The following RYR2 variants were observed in gnomAD, a reference collection of about 807,000 sequenced individuals.
RYR2 encodes the protein ryanodine receptor 2.
RYR2 carries 227 observed loss-of-function variants against 601.1 expected under a neutral mutation model. That is an observed-to-expected ratio of 0.38 (90% CI 0.34 to 0.42). The LOEUF (loss-of-function observed/expected upper bound fraction) is 0.42, where lower values mean the gene tolerates loss of function less well. Among genes scored for constraint, RYR2 ranks in the 10% least tolerant of loss-of-function variants. The pLI is 1.00. For missense variants in RYR2, 4,646 were observed against 6,156.5 expected (o/e 0.75, Z 8.21); for synonymous variants, 2,223 against 2,175.1 (o/e 1.02, Z -0.61).
At chr1:237,474,882 T>C (rs10754608) in intron 17 of RYR2, among the ~76,000 whole-genome samples, 75,817 of 152,016 alleles carry the variant, frequency 0.5, 20,024 homozygotes, top group East Asian at 0.7. Flanking sequence ...GTTGACTGTC[T>C]GGCTCCTTCC....
intron 71 of RYR2, among the ~76,000 whole-genome samples, chr1:237,713,955 G>A (rs976504333): frequency 1.0e-4 from 15 of 149,958 alleles, no homozygotes; most frequent in Non-Finnish European, 2.1e-4. Flanking sequence ...TTTTTTTTTG[G>A]TAGGCTATTT....
intron 48 of RYR2, among the ~76,000 whole-genome samples, chr1:237,645,054 A>G (rs1360134120): frequency 1.3e-5 from 2 of 152,136 alleles, no homozygotes; most frequent in East Asian, 3.9e-4. Flanking sequence ...AACAAAAAAC[A>G]TAATTAGGCA....
chr1:237,823,215 C>G (rs1447312109), intron 101 of RYR2, among the ~76,000 whole-genome samples: 1 of 152,184 alleles, frequency 6.6e-6, no homozygotes, highest in Admixed American at 6.5e-5. Flanking sequence ...CACCCCAAAT[C>G]AACAGAATAT....
At chr1:237,087,736 C>G (rs1015307741) in intron 1 of RYR2, among the ~76,000 whole-genome samples, 1 of 152,126 alleles carries the variant, frequency 6.6e-6, no homozygotes, top group African/African-American at 2.4e-5. Flanking sequence ...GGGTGGCCAG[C>G]CTGGGTTTCT....
intron 10 of RYR2, among the ~76,000 whole-genome samples, chr1:237,410,858 A>T (rs1046635438): frequency 6.6e-5 from 10 of 152,164 alleles, no homozygotes; most frequent in Non-Finnish European, 1.0e-4. Context: ...AGAAGGTAGG[A>T]AAAGAAGTAT....
chr1:237,319,222 C>T (rs1354795658), intron 2 of RYR2, among the ~76,000 whole-genome samples: 1 of 152,036 alleles, frequency 6.6e-6, no homozygotes, highest in Admixed American at 6.6e-5. Context: ...ATTTTTAAAG[C>T]ATGCTTTCCT....
At chr1:237,672,860 A>G (rs1685076972) in intron 58 of RYR2, among the ~76,000 whole-genome samples, 2 of 152,164 alleles carry the variant, frequency 1.3e-5, no homozygotes, top group South Asian at 4.1e-4. Context: ...TATGGTTAGT[A>G]TTTGTTAGCT....
At chr1:237,747,805 A>G (rs550021015) in intron 80 of RYR2, among the ~76,000 whole-genome samples, 5 of 152,236 alleles carry the variant, frequency 3.3e-5, no homozygotes, top group Admixed American at 6.5e-5. Context: ...CGGATATAAA[A>G]TATTGAAACA....
chr1:237,092,585 C>T (rs1413505848), intron 1 of RYR2, among the ~76,000 whole-genome samples: 2 of 149,454 alleles, frequency 1.3e-5, no homozygotes, highest in African/African-American at 5.0e-5. Flanking sequence ...GCTGGAGTGC[C>T]GTGGTGTGAT....
rs559721750 is a variant in RYR2, at chr1:237,473,095, G to A, written c.1708+3908G>A. The stretch of plus-strand genomic sequence containing the variant: ...TTATCTACCCGATAGGGCTGTTAGG[G>A]GGATTAAATGATTAATATTTGTAAA... On this transcript the variant is annotated intron_variant, in intron 17 of 104. Transcript: ENST00000366574. Among the ~76,000 whole-genome samples the A allele has an allele frequency of 5.9e-5, 9 of 152,090 alleles. No individual in the cohort carries two copies. In the South Asian group the frequency reaches 1.7e-3, roughly 28 times the overall value.
At chr1:237,728,899 A>G (rs1185991349) in intron 76 of RYR2, among the ~76,000 whole-genome samples, 1 of 152,122 alleles carries the variant, frequency 6.6e-6, no homozygotes, top group Admixed American at 6.6e-5. Context: ...ATGTATACCT[A>G]TGTAACAAAC....
intron 2 of RYR2, among the ~76,000 whole-genome samples, chr1:237,297,170 G>A (rs530339985): frequency 2.0e-5 from 3 of 152,272 alleles, no homozygotes; most frequent in African/African-American, 4.8e-5. Flanking sequence ...ATTTCTTATG[G>A]GGAAGCAGAA....
At chr1:237,510,661 G>T (rs1558944119) in intron 23 of RYR2, among the ~76,000 whole-genome samples, 1 of 152,092 alleles carries the variant, frequency 6.6e-6, no homozygotes, top group Non-Finnish European at 1.5e-5. Flanking sequence ...CTTCTCATGT[G>T]GCATTTTTAG....
rs138662385 is a variant in RYR2 at position 237,289,630 on chromosome 1, C to T, written c.168+19014C>T. Among the ~76,000 whole-genome samples the T allele has an allele frequency of 9.7e-4, 141 of 145,474 alleles. No homozygotes were observed. The East Asian group carries it at 0.027, about 27-fold the overall frequency. ...CCATCACCATGATTCAATTACCTCC[C>T]ACTGGGTCCCTCCCATGACATGTGG... On this transcript the variant is annotated intron_variant, in intron 2 of 104. Transcript: ENST00000366574.
intron 24 of RYR2, among the ~76,000 whole-genome samples, chr1:237,525,677 G>C (rs2997978): frequency 0.48 from 72,515 of 151,712 alleles, 17,600 homozygotes; most frequent in East Asian, 0.6. Flanking sequence ...TCTCAAACGC[G>C]TGACCTGATA....
intron 47 of RYR2, 144 bp from the exon 48 acceptor site, chr1:237,643,183 C>A: frequency 1.0e-6 from 1 of 966,052 alleles, no homozygotes; most frequent in Non-Finnish European, 1.5e-6. Context: ...AGCCAGAAAA[C>A]TATTTCTGAG....
chr1:237,594,886 G>GTTTTTTTTGTTTTTTT (rs1675642723), intron 33 of RYR2, among the ~76,000 whole-genome samples: 1 of 60,420 alleles, frequency 1.7e-5, no homozygotes, highest in Non-Finnish European at 2.6e-5. Context: ...ATATCACTGG[G>GTTTTTTTTGTTTTTTT]TTTTTTTTTT....
intron 28 of RYR2, among the ~76,000 whole-genome samples, chr1:237,567,061 A>G (rs903422746): frequency 4.6e-5 from 7 of 152,218 alleles, no homozygotes; most frequent in African/African-American, 1.7e-4. Context: ...AAATGCATAT[A>G]CATTGACGCA....
At position 237,819,071 on chromosome 1, in the gene RYR2, T is replaced by C. The variant is rs1164805007; in HGVS notation, c.14469T>C (p.Ala4823=). 6 of 1,613,958 alleles carry C rather than the reference T, an allele frequency of 3.7e-6. No homozygotes were observed. Among genetic ancestry groups the C allele is most frequent in the Non-Finnish European group, 5.1e-6 (6 of 1,179,852 alleles). ...TCCACATGTATGTTGGAGTTCGTGC[T>C]GGAGGAGGGATCGGGGATGAAATCG... ...YMFHMYVGVR[A]GGGIGDEIED... is the part of the protein sequence containing the mutation. The change falls in exon 101 of 105, where the codon GCT becomes GCC. Residue 4823 remains alanine (A), a synonymous_variant. Transcript: ENST00000366574. This position sits in a 1 kb window ranked among gnomAD's most constrained non-coding sequence, Gnocchi z 4.0.
Sources: allele counts gnomAD v4.1 joint callset (sites outside exome capture counted in the v4.1 genomes callset), GRCh38; gene constraint gnomAD v4.1.1; non-coding constraint Gnocchi (gnomAD v3.1); transcripts MANE v1.5; gene names NCBI Gene and HGNC (gene_info 2026-07-23, HGNC 2026-07-21).